The following MCM10 variants were observed in gnomAD, a reference collection of about 807,000 sequenced individuals.
The protein encoded by MCM10 is minichromosome maintenance 10 replication initiation factor.
A neutral mutation model predicts 109.9 loss-of-function variants in MCM10; 91 were observed. The ratio of observed to expected loss-of-function variants is 0.83; its 90% CI spans 0.70 to 0.99. The LOEUF is 0.99. MCM10 is among the 50% of genes least tolerant of loss of function. The pLI, the probability that MCM10 is intolerant of heterozygous loss-of-function variation, is 0.00. For synonymous variants in MCM10, 380 were observed against 387.2 expected (o/e 0.98, Z 0.22); for missense variants, 1,077 against 1,061.2 (o/e 1.01, Z -0.21).
At chr10:13,174,168 A>G (rs1295561751) in intron 5 of MCM10, among the ~76,000 whole-genome samples, 1 of 117,838 alleles carries the variant, frequency 8.5e-6, no homozygotes, top group African/African-American at 3.2e-5. Flanking sequence ...TTTGAGACAG[A>G]GTCTCACTCT....
At chr10:13,165,875 G>GAAAAA (rs71513356) in intron 2 of MCM10, among the ~76,000 whole-genome samples, 1 of 109,330 alleles carries the variant, frequency 9.1e-6, no homozygotes, top group African/African-American at 3.7e-5. Flanking sequence ...GACTCCATCT[G>GAAAAA]AAAAAAAAAA....
chr10:13,185,406 T>G (rs1335219481), intron 8 of MCM10, among the ~76,000 whole-genome samples: 1 of 152,156 alleles, frequency 6.6e-6, no homozygotes, highest in Non-Finnish European at 1.5e-5. Flanking sequence ...AGCAAGGCCC[T>G]TGAGGGACTT....
chr10:13,188,837 A>G lies in MCM10; in HGVS notation c.1216-44A>G, dbSNP rs6602641. The G allele has an allele frequency of 0.47, 726,291 of 1,546,956 alleles. 175,581 individuals carry two copies. The highest frequency in any genetic ancestry group is 0.5 in the Non-Finnish European group (561,717 of 1,119,414). ...CTGTGTCTGCTCACTGCTGTTTCCC[A>G]GCCTGTTGCCCTCATCCTGATGCCA... On this transcript the variant is annotated intron_variant, in intron 9 of 19. Coordinates refer to ENST00000378714, the MANE Select transcript of MCM10 (RefSeq NM_018518.5).
At chr10:13,173,340 C>T (rs1214566844) in intron 5 of MCM10, among the ~76,000 whole-genome samples, 1 of 152,066 alleles carries the variant, frequency 6.6e-6, no homozygotes, top group Non-Finnish European at 1.5e-5. Flanking sequence ...ATGCTTTAGA[C>T]TTGTGAGGTT....
chr10:13,206,214 G>C (rs993955297), intron 18 of MCM10, among the ~76,000 whole-genome samples: 1 of 151,910 alleles, frequency 6.6e-6, no homozygotes, highest in Non-Finnish European at 1.5e-5. Flanking sequence ...TGTGTTTGTA[G>C]GATGCGTCTG....
intron 14 of MCM10, chr10:13,195,581 C>CATTT (rs1834406936): frequency 1.4e-5 from 2 of 140,634 alleles, no homozygotes; most frequent in Middle Eastern, 3.4e-3. Flanking sequence ...CCTTTTTTTA[C>CATTT]GTTTATTTAT....
intron 14 of MCM10, 66 bp downstream of exon 14, chr10:13,195,335 C>A: frequency 8.3e-7 from 1 of 1,206,668 alleles, no homozygotes; most frequent in Non-Finnish European, 1.2e-6. Context: ...GGAGGAAAGA[C>A]AGACACCTAA....
At chr10:13,165,893 G>T (rs1449714235) in intron 2 of MCM10, among the ~76,000 whole-genome samples, 1 of 124,928 alleles carries the variant, frequency 8.0e-6, no homozygotes, top group Non-Finnish European at 1.7e-5. Flanking sequence ...AAAAAAAAAA[G>T]AGGAAAAAGA....
chr10:13,208,572 A>T (rs1165201392), intron 18 of MCM10, among the ~76,000 whole-genome samples: 2 of 151,480 alleles, frequency 1.3e-5, no homozygotes, highest in Admixed American at 6.6e-5. Flanking sequence ...TCTCCAAAAA[A>T]AAAAAAAAAA....
At chr10:13,195,615 T>TTTATTTAC (rs1476365895) in intron 14 of MCM10, 1 of 119,454 alleles carries the variant, frequency 8.4e-6, no homozygotes, top group East Asian at 3.1e-4. Flanking sequence ...TATTTATTTA[T>TTTATTTAC]TTATTTATTT....
intron 2 of MCM10, among the ~76,000 whole-genome samples, chr10:13,165,696 G>A (rs1217172093): frequency 1.3e-5 from 2 of 152,032 alleles, no homozygotes; most frequent in Non-Finnish European, 1.5e-5. Context: ...CTAACATAGT[G>A]AAACCCCATT....
intron 13 of MCM10, among the ~76,000 whole-genome samples, chr10:13,193,362 G>C (rs188310161): frequency 1.1e-4 from 17 of 151,842 alleles, no homozygotes; most frequent in African/African-American, 3.9e-4. Flanking sequence ...AATGATTCCT[G>C]AACTCAGGTC....
At chr10:13,163,673 T>G (rs1049613095) in intron 1 of MCM10, among the ~76,000 whole-genome samples, 2 of 145,146 alleles carry the variant, frequency 1.4e-5, no homozygotes, top group African/African-American at 4.9e-5. Flanking sequence ...CTAATGTAGA[T>G]CGACCCCAAT....
At chr10:13,181,317 C>G (rs1296029905) in intron 7 of MCM10, among the ~76,000 whole-genome samples, 1 of 152,182 alleles carries the variant, frequency 6.6e-6, no homozygotes, top group Non-Finnish European at 1.5e-5. Context: ...ATGTTATTCT[C>G]TAATTTAGAT....
At chr10:13,180,739 C>T in intron 7 of MCM10, 132 bp downstream of exon 7, 7 of 1,034,454 alleles carry the variant, frequency 6.8e-6, no homozygotes, top group Non-Finnish European at 1.0e-5. Context: ...AGAATCACCA[C>T]ACATCATTGA....
Position 13,172,438 on chromosome 10 carries a change from A to T in MCM10, c.412A>T (p.Ile138Phe). Residue 138 changes from isoleucine (I) to phenylalanine (F), a missense_variant, in exon 4 of 20, where the codon ATT becomes TTT. Coordinates refer to ENST00000378714, the MANE Select transcript of MCM10 (RefSeq NM_018518.5). The surrounding 1 kb of genome is among the most constrained non-coding windows in gnomAD (Gnocchi z 5.2). ...ALQEQLKVTT[I>F]KQTASPARLQ... Reference sequence around the variant, plus strand: ...ACAAGAGCAGCTAAAAGTAACAACAATTAAACAGACAGCAAGCCCAGCCCG... The same window carrying T: ...ACAAGAGCAGCTAAAAGTAACAACATTTAAACAGACAGCAAGCCCAGCCCG... 4.3e-6 allele frequency: 7 copies of T among 1,614,218 alleles called. No homozygotes were observed. Among genetic ancestry groups the T allele is most frequent in the Non-Finnish European group, 5.9e-6 (7 of 1,180,048 alleles).
rs1834649364 is a variant in MCM10, at chr10:13,210,655, T to G, written c.*1345T>G. The G allele has an allele frequency of 6.6e-6, 1 of 152,206 alleles. No homozygotes were observed. The highest frequency in any genetic ancestry group is 1.5e-5 in the Non-Finnish European group (1 of 68,042). The allele number at this position is 152,206 out of a possible 1,614,324, so 9.4% of individuals were successfully genotyped here. ...AATTCTGCTCTAATTGGGTGGAAGG[T>G]GCTGTATCTAACTTGTGTTCCTCCT... On this transcript the variant is annotated 3_prime_UTR_variant, in exon 20 of 20. Transcript: ENST00000378714.
At chr10:13,178,630 G>A (rs1428790350) in intron 6 of MCM10, among the ~76,000 whole-genome samples, 2 of 152,194 alleles carry the variant, frequency 1.3e-5, no homozygotes, top group Admixed American at 1.3e-4. Flanking sequence ...ATAATTTGAA[G>A]TCAGGTAATC....
At chr10:13,166,168 G>A (rs1260328987) in intron 2 of MCM10, among the ~76,000 whole-genome samples, 2 of 152,046 alleles carry the variant, frequency 1.3e-5, no homozygotes, top group Admixed American at 6.5e-5. Context: ...GGTGGTAATT[G>A]TAGAATGAAG....
Sources: allele counts gnomAD v4.1 joint callset (sites outside exome capture counted in the v4.1 genomes callset), GRCh38; gene constraint gnomAD v4.1.1; non-coding constraint Gnocchi (gnomAD v3.1); transcripts MANE v1.5; gene names NCBI Gene and HGNC (gene_info 2026-07-23, HGNC 2026-07-21).